Variants in KBTBD12 observed in about 807,000 individuals in gnomAD.
KBTBD12 encodes the protein kelch repeat and BTB domain containing 12.
KBTBD12 carries 53 observed loss-of-function variants against 58.7 expected under a neutral mutation model. That is an observed-to-expected ratio of 0.90 (90% CI 0.72 to 1.14). The LOEUF (loss-of-function observed/expected upper bound fraction) is 1.14, where lower values mean the gene tolerates loss of function less well. Ranked by LOEUF, KBTBD12 falls within the 50% of genes most tolerant of loss-of-function variation. KBTBD12 has a pLI of 0.00. For missense variants in KBTBD12, 704 were observed against 751.3 expected (o/e 0.94, Z 0.74); for synonymous variants, 236 against 259.8 (o/e 0.91, Z 0.88).
rs1239616078 is a variant in KBTBD12, at chr3:127,959,956, A to G, written c.1493-3233A>G. 2.0e-5 allele frequency among the ~76,000 whole-genome samples: 3 copies of G among 152,234 alleles called. No individual in the cohort carries two copies. In the South Asian group the frequency reaches 6.2e-4, roughly 32 times the overall value. On this transcript the variant is annotated intron_variant, in intron 4 of 5. Coordinates refer to ENST00000405109, the MANE Select transcript of KBTBD12 (RefSeq NM_207335.4). ...CGTGGGTGCCGACAATAGTAAATAT[A>G]TGTACATTTTTCCCCTAAGACTGGT... is the stretch of plus-strand genomic sequence containing the variant.
intron 4 of KBTBD12, among the ~76,000 whole-genome samples, chr3:127,950,625 C>G (rs1245627368): frequency 1.3e-5 from 2 of 152,148 alleles, no homozygotes; most frequent in Admixed American, 6.6e-5. Flanking sequence ...AAGATGCGCT[C>G]TATGCCCAGA....
At chr3:127,975,000 T>C (rs570168068) in intron 5 of KBTBD12, among the ~76,000 whole-genome samples, 4 of 152,298 alleles carry the variant, frequency 2.6e-5, no homozygotes, top group African/African-American at 9.6e-5. Context: ...AAATCATCTC[T>C]GTTAGTTTGA....
intron 1 of KBTBD12, among the ~76,000 whole-genome samples, chr3:127,920,522 G>A (rs989062164): frequency 1.3e-5 from 2 of 151,592 alleles, no homozygotes; most frequent in African/African-American, 4.8e-5. Context: ...TTAAACTAGT[G>A]AAACTTCAGC....
In KBTBD12 at chr3:127,923,235, T is replaced by C. The variant is rs1163977400; in HGVS notation, c.174T>C (p.Ala58=). ...VLAAFSPYFK[A]MFTCGLLECN... ...CTGCATTTAGCCCTTATTTCAAAGC[T>C]ATGTTCACCTGTGGACTACTTGAAT... Residue 58 remains alanine (A), a synonymous_variant, in exon 2 of 6, where the codon GCT becomes GCC. Transcript: ENST00000405109. 1 of 1,613,756 alleles carries C rather than the reference T, an allele frequency of 6.2e-7. No individual in the cohort carries two copies. Among genetic ancestry groups the C allele is most frequent in the Non-Finnish European group, 8.5e-7 (1 of 1,179,808 alleles).
At chr3:127,954,106 G>C (rs1940269478) in intron 4 of KBTBD12, among the ~76,000 whole-genome samples, 1 of 152,116 alleles carries the variant, frequency 6.6e-6, no homozygotes, top group Non-Finnish European at 1.5e-5. Flanking sequence ...CAAAGGGAAG[G>C]TGCCTTAGTT....
intron 4 of KBTBD12, among the ~76,000 whole-genome samples, chr3:127,939,267 C>T (rs1939895634): frequency 6.6e-6 from 1 of 152,178 alleles, no homozygotes; most frequent in East Asian, 1.9e-4. Context: ...ACGTTGCTTT[C>T]GTCTTTTCCT....
At position 127,980,983 on chromosome 3, in the gene KBTBD12, A is replaced by G. The variant is rs1485469826; in HGVS notation, c.1691-3114A>G. ...CCAATCTGACCACACCAGCTTCAAC[A>G]ATTTTGCTGTTCTTATTTCCAAACA... On this transcript the variant is annotated intron_variant, in intron 5 of 5. Coordinates refer to ENST00000405109, the MANE Select transcript of KBTBD12 (RefSeq NM_207335.4). Among the ~76,000 whole-genome samples the G allele has an allele frequency of 2.6e-5, 4 of 152,180 alleles. No homozygotes were observed. The East Asian group carries it at 7.7e-4, about 29-fold the overall frequency.
intron 4 of KBTBD12, among the ~76,000 whole-genome samples, chr3:127,961,969 T>C (rs1940449248): frequency 6.6e-6 from 1 of 152,202 alleles, no homozygotes; most frequent in African/African-American, 2.4e-5. Flanking sequence ...GTTCTTAATT[T>C]TGGTTTTGAG....
intron 1 of KBTBD12, among the ~76,000 whole-genome samples, chr3:127,919,052 A>G (rs1351931525): frequency 1.3e-5 from 2 of 152,174 alleles, no homozygotes; most frequent in Non-Finnish European, 2.9e-5. Flanking sequence ...GCCAAGGAAC[A>G]AAGTGTAAGA....
chr3:127,941,323 C>T (rs965823036), intron 4 of KBTBD12, among the ~76,000 whole-genome samples: 5 of 152,160 alleles, frequency 3.3e-5, no homozygotes, highest in Admixed American at 1.3e-4. Context: ...GTAGAAAACA[C>T]ACCATGCCAA....
chr3:127,923,834 A>G lies in KBTBD12; in HGVS notation c.773A>G (p.Lys258Arg). 5.0e-6 allele frequency: 8 copies of G among 1,613,968 alleles called. No individual in the cohort carries two copies. The highest frequency in any genetic ancestry group is 5.9e-6 in the Non-Finnish European group (7 of 1,179,840). Reference protein sequence around the residue: ...DIIQNAFKAIKTPQQHSLNLR... With the variant: ...DIIQNAFKAIRTPQQHSLNLR... ...ATTCAAAATGCATTCAAAGCCATCA[A>G]GACACCCCAACAGCACTCTCTAAAT... The change falls in exon 2 of 6, where the codon AAG (lysine) becomes AGG (arginine). Residue 258 changes from lysine (K) to arginine (R), a missense_variant. Coordinates refer to ENST00000405109, the MANE Select transcript of KBTBD12 (RefSeq NM_207335.4).
In KBTBD12 at chr3:127,930,154, C is replaced by A. The variant is rs762440372; in HGVS notation, c.1363C>A (p.Pro455Thr). ...ACAGATGGATCTTCCTGATGAAGAA[C>A]CTGATCGATTAAGCAACAAACTGTT... The part of the protein sequence containing the change: ...TPQMDLPDEE[P>T]DRLSNKLLQY... The change falls in exon 4 of 6, where the codon CCT (proline) becomes ACT (threonine). Residue 455 changes from proline to threonine, a missense_variant. Coordinates refer to ENST00000405109, the MANE Select transcript of KBTBD12 (RefSeq NM_207335.4). 15 of 1,591,744 alleles carry A rather than the reference C, an allele frequency of 9.4e-6. No individual in the cohort carries two copies. Among genetic ancestry groups the A allele is most frequent in the Non-Finnish European group, 1.3e-5 (15 of 1,167,858 alleles).
chr3:127,965,361 C>T (rs532825380), intron 5 of KBTBD12, among the ~76,000 whole-genome samples: 3 of 152,238 alleles, frequency 2.0e-5, no homozygotes, highest in African/African-American at 7.2e-5. Flanking sequence ...TCTCAAAGTC[C>T]ATTTTAATTA....
chr3:127,974,652 G>A (rs190877989), intron 5 of KBTBD12, among the ~76,000 whole-genome samples: 43 of 152,192 alleles, frequency 2.8e-4, no homozygotes, highest in African/African-American at 9.2e-4. Flanking sequence ...TTTCCCCTCC[G>A]GACCACTTGG....
Position 127,932,914 on chromosome 3 carries a change from T to C in KBTBD12, c.1492+2631T>C, listed in dbSNP as rs1939739231. On this transcript the variant is annotated intron_variant, in intron 4 of 5. Transcript: ENST00000405109. ...CAGATAAATTATTAACTGTCTTCTA[T>C]ATAGTTGGCTAGATATCGAGACTCA... Among the ~76,000 whole-genome samples, 3 of 152,176 alleles carry C rather than the reference T, an allele frequency of 2.0e-5. No individual in the cohort carries two copies. In the South Asian group the frequency reaches 6.2e-4, roughly 31 times the overall value.
intron 4 of KBTBD12, among the ~76,000 whole-genome samples, chr3:127,935,381 G>A (rs558282549): frequency 2.6e-5 from 4 of 152,260 alleles, no homozygotes; most frequent in Non-Finnish European, 4.4e-5. Context: ...AATCAACTCA[G>A]TATTAACCTA....
chr3:127,919,273 C>CA (rs1249417672), intron 1 of KBTBD12, among the ~76,000 whole-genome samples: 1 of 152,136 alleles, frequency 6.6e-6, no homozygotes, highest in Non-Finnish European at 1.5e-5. Flanking sequence ...GCCTGTCACC[C>CA]AGGCAGGAGT....
chr3:127,929,373 A>G (rs1440787161), intron 3 of KBTBD12, among the ~76,000 whole-genome samples: 1 of 152,188 alleles, frequency 6.6e-6, no homozygotes, highest in African/African-American at 2.4e-5. Flanking sequence ...TCTTTGTTGA[A>G]CACTTGTATC....
At chr3:127,942,417 T>C (rs908640792) in intron 4 of KBTBD12, among the ~76,000 whole-genome samples, 1 of 152,068 alleles carries the variant, frequency 6.6e-6, no homozygotes, top group African/African-American at 2.4e-5. Context: ...TATAGCTGAG[T>C]TCATGCAATA....
Sources: gnomAD v4.1 joint callset for allele counts (sites outside exome capture counted in the v4.1 genomes callset) on GRCh38, gnomAD v4.1.1 for gene constraint, MANE v1.5 for transcripts, NCBI Gene and HGNC (gene_info 2026-07-23, HGNC 2026-07-21) for gene names.